The following ARPC2 variants were observed in gnomAD, a reference collection of about 807,000 sequenced individuals.
ARPC2 encodes the protein actin-related protein 2/3 complex subunit 2.
ARPC2 carries 4 observed loss-of-function variants against 38.6 expected under a neutral mutation model. That is an observed-to-expected ratio of 0.10 (90% CI 0.05 to 0.24). The LOEUF (loss-of-function observed/expected upper bound fraction) is 0.24, where lower values mean the gene tolerates loss of function less well. ARPC2 is among the 10% of genes least tolerant of loss of function. ARPC2 has a pLI of 1.00. For synonymous variants in ARPC2, 125 were observed against 140.8 expected (o/e 0.89, Z 0.79); for missense variants, 229 against 387.3 (o/e 0.59, Z 3.43).
intron 8 of ARPC2, among the ~76,000 whole-genome samples, chr2:218,247,972 A>G (rs1175394107): frequency 1.3e-5 from 2 of 149,400 alleles, no homozygotes; most frequent in Non-Finnish European, 3.0e-5. Context: ...AAAAAGAAAC[A>G]GGGTTTCCAT....
intron 7 of ARPC2, 102 bp from the exon 8 acceptor site, chr2:218,245,318 A>C (rs1690005740): frequency 2.8e-6 from 4 of 1,447,516 alleles, no homozygotes; most frequent in Non-Finnish European, 3.8e-6. Context: ...GCTGGTCTGG[A>C]GGGCTACAAA....
chr2:218,243,971 A>G (rs1163714290), intron 7 of ARPC2, among the ~76,000 whole-genome samples: 4 of 152,220 alleles, frequency 2.6e-5, no homozygotes, highest in East Asian at 1.9e-4. Context: ...GAAAATGCCA[A>G]CAGTTACGTA....
intron 3 of ARPC2, among the ~76,000 whole-genome samples, chr2:218,227,831 A>G (rs1403645904): frequency 6.6e-6 from 1 of 152,042 alleles, no homozygotes; most frequent in Non-Finnish European, 1.5e-5. Context: ...ACCTCAAGTG[A>G]TCCACCCACC....
chr2:218,229,904 G>T (rs1689589937), intron 4 of ARPC2, among the ~76,000 whole-genome samples: 1 of 151,944 alleles, frequency 6.6e-6, no homozygotes, highest in Non-Finnish European at 1.5e-5. Context: ...TTTTGTAAAA[G>T]ATAGTGGCTG....
chr2:218,230,839 G>A (rs1013212822), intron 4 of ARPC2, among the ~76,000 whole-genome samples: 6 of 151,978 alleles, frequency 3.9e-5, no homozygotes, highest in African/African-American at 7.3e-5. Flanking sequence ...ACGACATAGT[G>A]AGATTCCACC....
intron 4 of ARPC2, among the ~76,000 whole-genome samples, chr2:218,232,646 T>C (rs913767307): frequency 2.0e-5 from 3 of 148,178 alleles, no homozygotes; most frequent in Non-Finnish European, 4.4e-5. Flanking sequence ...CTCACCTCAC[T>C]GCAAGCTCTG....
chr2:218,246,009 A>T (rs539163395), intron 8 of ARPC2, among the ~76,000 whole-genome samples: 14 of 152,054 alleles, frequency 9.2e-5, no homozygotes, highest in African/African-American at 3.4e-4. Context: ...AGGTCAGGAG[A>T]TCAAGATCAT....
At chr2:218,219,177 T>C (rs1018966884) in intron 2 of ARPC2, among the ~76,000 whole-genome samples, 1 of 152,250 alleles carries the variant, frequency 6.6e-6, no homozygotes, top group Non-Finnish European at 1.5e-5. Context: ...TCTTTTAACA[T>C]AGGAGTACAT....
intron 4 of ARPC2, among the ~76,000 whole-genome samples, chr2:218,229,543 C>G (rs901132426): frequency 6.6e-6 from 1 of 152,186 alleles, no homozygotes; most frequent in African/African-American, 2.4e-5. Context: ...TTTCAAATTT[C>G]TTAGTTTTAA....
chr2:218,242,301 T>C (rs374912079), intron 7 of ARPC2, among the ~76,000 whole-genome samples: 64 of 152,374 alleles, frequency 4.2e-4, no homozygotes, highest in African/African-American at 1.4e-3. Context: ...CCAGTAATTA[T>C]GCTTTTGGAG....
chr2:218,239,781 C>T (rs535243422), intron 7 of ARPC2, among the ~76,000 whole-genome samples: 13 of 151,250 alleles, frequency 8.6e-5, no homozygotes, highest in South Asian at 6.3e-4. Flanking sequence ...TTAGTAGAGA[C>T]GGGGTTTCTC....
rs1053296997 is a variant in ARPC2 at position 218,231,227 on chromosome 2, G to A, written c.222+2377G>A. On this transcript the variant is annotated intron_variant, in intron 4 of 10. Transcript: ENST00000315717. Reference sequence around the variant, plus strand: ...AGGTTGCCTCCACCCATCTCCTGGTGTCATTGGGAGAGGGGGTACAAACTG... The same window carrying A: ...AGGTTGCCTCCACCCATCTCCTGGTATCATTGGGAGAGGGGGTACAAACTG... 2.9e-4 allele frequency among the ~76,000 whole-genome samples: 3 copies of A among 10,272 alleles called. No homozygotes were observed. The Admixed American group carries it at 6.1e-3, about 21-fold the overall frequency. The allele number at this position is 10,272 out of a possible 152,430, so 6.7% of individuals were successfully genotyped here.
intron 7 of ARPC2, among the ~76,000 whole-genome samples, chr2:218,244,316 C>G (rs1466967645): frequency 3.3e-5 from 5 of 152,182 alleles, no homozygotes; most frequent in Non-Finnish European, 7.3e-5. Context: ...CATCATCTTT[C>G]TTTTGCCACT....
At position 218,247,494 on chromosome 2, in the gene ARPC2, C is replaced by G. The variant is rs556156225; in HGVS notation, c.677-1870C>G. On this transcript the variant is annotated intron_variant, in intron 8 of 10. Transcript: ENST00000315717. The stretch of plus-strand genomic sequence containing the variant: ...CTATACACTTTTTTCTTTTTTCTTT[C>G]TCTCTGTCACCCAGGCTGGAGTGCA... 2.0e-5 allele frequency among the ~76,000 whole-genome samples: 3 copies of G among 152,192 alleles called. No individual in the cohort carries two copies. In the South Asian group the frequency reaches 6.2e-4, roughly 32 times the overall value.
At chr2:218,243,176 A>G (rs1689955783) in intron 7 of ARPC2, among the ~76,000 whole-genome samples, 1 of 152,172 alleles carries the variant, frequency 6.6e-6, no homozygotes, top group Non-Finnish European at 1.5e-5. Flanking sequence ...ATGGCTATCC[A>G]GTGGTCCCAG....
At chr2:218,244,908 T>A (rs1244344049) in intron 7 of ARPC2, among the ~76,000 whole-genome samples, 1 of 152,224 alleles carries the variant, frequency 6.6e-6, no homozygotes, top group East Asian at 1.9e-4. Flanking sequence ...TCTATTTACA[T>A]AGGAATGTAT....
chr2:218,245,207 A>AC (rs1690003051), intron 7 of ARPC2, among the ~76,000 whole-genome samples: 1 of 152,242 alleles, frequency 6.6e-6, no homozygotes, highest in Non-Finnish European at 1.5e-5. Context: ...GATCTGACTT[A>AC]TTAAGTACTT....
At chr2:218,220,235 C>T (rs1287688241) in intron 2 of ARPC2, among the ~76,000 whole-genome samples, 2 of 152,116 alleles carry the variant, frequency 1.3e-5, no homozygotes, top group Non-Finnish European at 2.9e-5. Context: ...GAGGTCAGCT[C>T]CACCCTACTT....
At chr2:218,238,045 G>A (rs921571610) in intron 5 of ARPC2, among the ~76,000 whole-genome samples, 3 of 152,160 alleles carry the variant, frequency 2.0e-5, no homozygotes, top group Non-Finnish European at 4.4e-5. Flanking sequence ...TTCAAAGGTG[G>A]TTATGGAGAT....
Sources: gnomAD v4.1 joint callset for allele counts (sites outside exome capture counted in the v4.1 genomes callset) on GRCh38, gnomAD v4.1.1 for gene constraint, MANE v1.5 for transcripts, NCBI Gene and HGNC (gene_info 2026-07-23, HGNC 2026-07-21) for gene names.